The following ATP10B variants were observed in gnomAD, a reference collection of about 807,000 sequenced individuals.
The protein encoded by ATP10B is phospholipid-transporting ATPase VB.
A neutral mutation model predicts 141.2 loss-of-function variants in ATP10B; 122 were observed. The observed-to-expected ratio is 0.86, with a 90% CI of 0.75 to 1.00. The LOEUF is 1.00. Among genes scored for constraint, ATP10B ranks in the 50% least tolerant of loss-of-function variants. The pLI is 0.00. For missense variants in ATP10B, 1,876 were observed against 1,825.3 expected, an observed-to-expected ratio of 1.03 and a Z score of -0.51; for synonymous variants, 685 against 692.0, an observed-to-expected ratio of 0.99 and a Z score of 0.16.
chr5:160,891,025 A>G, the ATP10B span, among the ~76,000 whole-genome samples: 4 of 151,552 alleles, frequency 2.6e-5, no homozygotes, highest in African/African-American at 9.7e-5. Context: ...GTGTGTATGT[A>G]TGTGCGTTTG....
intron 6 of ATP10B, among the ~76,000 whole-genome samples, chr5:160,679,238 C>T (rs6868810): frequency 0.62 from 94,710 of 152,088 alleles, 30,642 homozygotes; most frequent in Middle Eastern, 0.77. Flanking sequence ...CTCGGTGCTA[C>T]GCTGTCAGAA....
chr5:160,762,801 C>T (rs2127842386), intron 2 of ATP10B, among the ~76,000 whole-genome samples: 1 of 152,200 alleles, frequency 6.6e-6, no homozygotes, highest in South Asian at 2.1e-4. Flanking sequence ...CACCAAATAT[C>T]TGCTGTCTTC....
chr5:160,814,662 C>T (rs1024640386), intron 1 of ATP10B, among the ~76,000 whole-genome samples: 1 of 152,054 alleles, frequency 6.6e-6, no homozygotes, highest in African/African-American at 2.4e-5. Flanking sequence ...ACGAGAAGAG[C>T]AAGTCCAAGA....
chr5:160,830,957 TCATA>T (rs2127976410), intron 1 of ATP10B, among the ~76,000 whole-genome samples: 1 of 118,040 alleles, frequency 8.5e-6, no homozygotes, highest in East Asian at 2.9e-4. Flanking sequence ...TCTCTCTCTC[TCATA>T]CATACACAAA....
At chr5:160,696,851 C>G (rs1029161318) in intron 3 of ATP10B, among the ~76,000 whole-genome samples, 1 of 152,210 alleles carries the variant, frequency 6.6e-6, no homozygotes, top group African/African-American at 2.4e-5. Flanking sequence ...GTAAAACAAT[C>G]TCATCATAAA....
chr5:160,821,141 C>T (rs1050738303), intron 1 of ATP10B, among the ~76,000 whole-genome samples: 2 of 152,022 alleles, frequency 1.3e-5, no homozygotes, highest in African/African-American at 2.4e-5. Context: ...TTATTCAGTA[C>T]AGCACAGAAA....
At position 160,622,382 on chromosome 5, in the gene ATP10B, GC is replaced by G; in HGVS notation, c.1812+11del. The G allele has an allele frequency of 6.2e-7, 1 of 1,604,980 alleles. No homozygotes were observed. Among genetic ancestry groups the G allele is most frequent in the South Asian group, 1.1e-5 (1 of 89,566 alleles). Reference sequence around the variant, plus strand: ...CCTTTACCCTCCTCCCCCAGCCATCGCTGGTCCTTACCCTCTGCCTGGGCTC... The same window carrying G: ...CCTTTACCCTCCTCCCCCAGCCATCGTGGTCCTTACCCTCTGCCTGGGCTC... On this transcript the variant is annotated intron_variant, in intron 14 of 25. Coordinates refer to ENST00000327245, the MANE Select transcript of ATP10B (RefSeq NM_025153.3).
upstream of ATP10B, among the ~76,000 whole-genome samples, chr5:160,855,442 C>A (rs1241690208): frequency 6.7e-6 from 1 of 149,336 alleles, no homozygotes; most frequent in African/African-American, 2.5e-5. Context: ...TGAAATATTT[C>A]TTAATGTCTT....
At chr5:160,661,140 C>T (rs550357077) in intron 7 of ATP10B, among the ~76,000 whole-genome samples, 2 of 152,002 alleles carry the variant, frequency 1.3e-5, no homozygotes, top group East Asian at 3.9e-4. Context: ...GAGCTGAGAT[C>T]GCGCCATTGC....
intron 6 of ATP10B, among the ~76,000 whole-genome samples, chr5:160,678,320 G>A (rs1763162403): frequency 6.6e-6 from 1 of 152,158 alleles, no homozygotes; most frequent in Non-Finnish European, 1.5e-5. Context: ...GCCTCAGGCT[G>A]GGGTTGGCAT....
intron 1 of ATP10B, among the ~76,000 whole-genome samples, chr5:160,850,283 G>A (rs1299001706): frequency 6.6e-6 from 1 of 152,052 alleles, no homozygotes; most frequent in African/African-American, 2.4e-5. Context: ...AATTAGCCAG[G>A]CATGGTGGTG....
chr5:160,593,958 C>T (rs1488442150), intron 22 of ATP10B, among the ~76,000 whole-genome samples: 1 of 152,242 alleles, frequency 6.6e-6, no homozygotes, highest in Non-Finnish European at 1.5e-5. Flanking sequence ...AGCTGGAAAA[C>T]ACTCTGCAGG....
rs943763454 is a variant in ATP10B, at chr5:160,819,068, C to T, written c.-576+32873G>A. On this transcript the variant is annotated intron_variant, in intron 1 of 25. Coordinates refer to ENST00000327245, the MANE Select transcript of ATP10B (RefSeq NM_025153.3). Reference sequence around the variant, plus strand: ...AATGCTAATGACGAGTTAATGGGTGCAGCACACCAACATGGCACGTGTATA... The same window carrying T: ...AATGCTAATGACGAGTTAATGGGTGTAGCACACCAACATGGCACGTGTATA... Among the ~76,000 whole-genome samples the T allele has an allele frequency of 2.6e-5, 4 of 152,064 alleles. No individual in the cohort carries two copies. In the South Asian group the frequency reaches 6.2e-4, roughly 24 times the overall value.
intron 1 of ATP10B, among the ~76,000 whole-genome samples, chr5:160,837,615 A>T (rs1025538810): frequency 1.3e-5 from 1 of 77,552 alleles, no homozygotes; most frequent in Admixed American, 1.3e-4. Context: ...AGTCATTAAA[A>T]TATCATTTGT....
At chr5:160,817,866 T>G (rs1445615468) in intron 1 of ATP10B, among the ~76,000 whole-genome samples, 1 of 152,188 alleles carries the variant, frequency 6.6e-6, no homozygotes, top group Non-Finnish European at 1.5e-5. Flanking sequence ...CCATCTGATC[T>G]TTGACAAACC....
At chr5:160,603,471 A>G in intron 20 of ATP10B, 1 of 158,474 alleles carries the variant, frequency 6.3e-6, no homozygotes, top group Non-Finnish European at 1.4e-5. Flanking sequence ...CATCAGCTAT[A>G]GTTAGTGTGT....
chr5:160,730,615 T>C (rs191082057), intron 2 of ATP10B, among the ~76,000 whole-genome samples: 1 of 152,292 alleles, frequency 6.6e-6, no homozygotes, highest in Admixed American at 6.5e-5. Context: ...TTCTTTTGCA[T>C]GTGCACACTG....
chr5:160,916,484 C>G, the ATP10B span, among the ~76,000 whole-genome samples: 7 of 152,074 alleles, frequency 4.6e-5, no homozygotes, highest in Non-Finnish European at 1.5e-5. Context: ...TGTTAAGCAC[C>G]CATTTAATAA....
Position 160,761,828 on chromosome 5 carries a change from T to TA in ATP10B, c.-331+23730_-331+23731insT, listed in dbSNP as rs112455754. On this transcript the variant is annotated intron_variant, in intron 2 of 25. Transcript: ENST00000327245. ...AAGGTGAAGTCCAACTTTAAAAAAT[T>TA]TAAAAAAATGTAGGATATGGATGGA... Among the ~76,000 whole-genome samples, 1,219 of 151,610 alleles carry TA rather than the reference T, an allele frequency of 8.0e-3. 15 individuals carry two copies. Among genetic ancestry groups the TA allele is most frequent in the African/African-American group, 0.028 (1,143 of 41,370 alleles).
Sources: allele counts gnomAD v4.1 joint callset (sites outside exome capture counted in the v4.1 genomes callset), GRCh38; gene constraint gnomAD v4.1.1; transcripts MANE v1.5; gene names NCBI Gene and HGNC (gene_info 2026-07-23, HGNC 2026-07-21).